The following ABTB2 variants were observed in gnomAD, a reference collection of about 807,000 sequenced individuals.
ABTB2 encodes the protein ankyrin repeat and BTB domain containing 2.
ABTB2 carries 56 observed loss-of-function variants against 104.1 expected under a neutral mutation model. The observed-to-expected ratio is 0.54, with a 90% CI of 0.43 to 0.67. The LOEUF (loss-of-function observed/expected upper bound fraction) is 0.67. ABTB2 is among the 30% of genes least tolerant of loss of function. The pLI is 0.00. For missense variants in ABTB2, 1,279 were observed against 1,407.7 expected (o/e 0.91, Z 1.46); for synonymous variants, 606 against 608.2 (o/e 1.00, Z 0.05).
intron 3 of ABTB2, among the ~76,000 whole-genome samples, chr11:34,187,067 CCT>C (rs1312947558): frequency 6.6e-6 from 1 of 152,176 alleles, no homozygotes; most frequent in African/African-American, 2.4e-5. Context: ...ATGCCTCGGA[CCT>C]CCTCAAGGCC....
At chr11:34,163,883 T>C (rs910704740) in intron 9 of ABTB2, among the ~76,000 whole-genome samples, 1 of 134,218 alleles carries the variant, frequency 7.5e-6, no homozygotes, top group Admixed American at 7.9e-5. Flanking sequence ...GAGGCCTCCA[T>C]GGGGGATGCA....
At chr11:34,273,597 A>G (rs997876506) in intron 1 of ABTB2, among the ~76,000 whole-genome samples, 3 of 152,070 alleles carry the variant, frequency 2.0e-5, no homozygotes, top group African/African-American at 7.3e-5. Flanking sequence ...GCTGAGTAAC[A>G]CTGGCAGACC....
rs763241426 is a variant in ABTB2 at position 34,154,234 on chromosome 11, G to T, written c.2880+31C>A. On this transcript the variant is annotated intron_variant, in intron 16 of 16. Coordinates refer to ENST00000435224, the MANE Select transcript of ABTB2 (RefSeq NM_145804.3). This position sits in a 1 kb window ranked among gnomAD's most constrained non-coding sequence, Gnocchi z 4.9. The stretch of plus-strand genomic sequence containing the variant: ...CCCCGTGGAGCAGAGCATGTGGTGG[G>T]AGGTGGCCAGCAGGCATCCTTGGCC... 7 of 1,546,442 alleles carry T rather than the reference G, an allele frequency of 4.5e-6. No individual in the cohort carries two copies. Among genetic ancestry groups the T allele is most frequent in the Non-Finnish European group, 5.4e-6 (6 of 1,119,856 alleles).
intron 1 of ABTB2, chr11:34,336,131 A>C: frequency 4.0e-6 from 1 of 251,262 alleles, no homozygotes; most frequent in Non-Finnish European, 7.7e-6. Context: ...ATTTCTCTAC[A>C]TTGTATTGTG....
At chr11:34,287,274 A>G (rs1281728189) in intron 1 of ABTB2, among the ~76,000 whole-genome samples, 1 of 152,032 alleles carries the variant, frequency 6.6e-6, no homozygotes, top group Admixed American at 6.5e-5. Context: ...ATACACAGCA[A>G]AAGAAGAGAT....
intron 1 of ABTB2, among the ~76,000 whole-genome samples, chr11:34,221,902 G>C (rs994199987): frequency 7.9e-5 from 12 of 152,164 alleles, no homozygotes. Context: ...AGCTGGACAT[G>C]GTGGTGCATG....
chr11:34,329,378 C>T (rs1028595987), intron 1 of ABTB2, among the ~76,000 whole-genome samples: 7 of 152,194 alleles, frequency 4.6e-5, no homozygotes, highest in African/African-American at 1.7e-4. Flanking sequence ...TCCCACTCCA[C>T]CCCCCTGCCC....
chr11:34,314,712 T>C (rs1854903316), intron 1 of ABTB2, among the ~76,000 whole-genome samples: 1 of 152,160 alleles, frequency 6.6e-6, no homozygotes, highest in Admixed American at 6.5e-5. Context: ...TGGATCCTCT[T>C]AGAAGGACTG....
chr11:34,198,292 G>T (rs1853288517), intron 2 of ABTB2, among the ~76,000 whole-genome samples: 1 of 152,128 alleles, frequency 6.6e-6, no homozygotes, highest in African/African-American at 2.4e-5. Flanking sequence ...AGGGATAGTG[G>T]CAGGCGCCTG....
At chr11:34,289,095 G>A (rs892863238) in intron 1 of ABTB2, among the ~76,000 whole-genome samples, 1 of 152,224 alleles carries the variant, frequency 6.6e-6, no homozygotes, top group Non-Finnish European at 1.5e-5. Flanking sequence ...GAACAGTTAA[G>A]TTCTGACAGG....
intron 1 of ABTB2, among the ~76,000 whole-genome samples, chr11:34,317,460 G>C (rs1423244049): frequency 6.6e-6 from 1 of 152,122 alleles, no homozygotes; most frequent in Non-Finnish European, 1.5e-5. Context: ...AAAACAGTAA[G>C]AGAAACACTT....
In ABTB2 at chr11:34,221,551, T is replaced by C. The variant is rs189554085; in HGVS notation, c.884-16861A>G. 6.2e-3 allele frequency among the ~76,000 whole-genome samples: 943 copies of C among 152,150 alleles called. 12 individuals are homozygous for C. Among genetic ancestry groups the C allele is most frequent in the African/African-American group, 0.021 (869 of 41,418 alleles). Reference sequence around the variant, plus strand: ...ACTGTCCAGCCTGGCTGGCTGTGCCTGTGTCCCTTAGACTACTGAGAACAG... The same window carrying C: ...ACTGTCCAGCCTGGCTGGCTGTGCCCGTGTCCCTTAGACTACTGAGAACAG... On this transcript the variant is annotated intron_variant, in intron 1 of 16. Transcript: ENST00000435224.
At chr11:34,313,358 T>C (rs6484704) in intron 1 of ABTB2, among the ~76,000 whole-genome samples, 28,542 of 152,108 alleles carry the variant, frequency 0.19, 2,957 homozygotes, top group Admixed American at 0.26. Flanking sequence ...CTGGGTAGGA[T>C]GTGGTCTGAC....
chr11:34,174,937 C>T (rs2467383), intron 3 of ABTB2, among the ~76,000 whole-genome samples: 67,244 of 152,134 alleles, frequency 0.44, 15,970 homozygotes, highest in Non-Finnish European at 0.54. Context: ...AGCCAGGGAG[C>T]GGGCAGGCAG....
At position 34,325,950 on chromosome 11, in the gene ABTB2, AAAAATAAAATAAAATAAAAT is replaced by A. The variant is rs60780111; in HGVS notation, c.883+30731_883+30750del. ...TGGGCGACAGAGTGAGACAGTCTCA[AAAAATAAAATAAAATAAAAT>A]AAAATAAAATAAAATAAAATAAAAT... On this transcript the variant is annotated intron_variant, in intron 1 of 16. Transcript: ENST00000435224. Among the ~76,000 whole-genome samples the A allele has an allele frequency of 7.6e-3, 892 of 117,948 alleles. 6 individuals are homozygous for A. The highest frequency in any genetic ancestry group is 0.012 in the African/African-American group (364 of 29,456). The allele number at this position is 117,948 out of a possible 152,430, so 77.4% of individuals were successfully genotyped here.
At chr11:34,344,794 G>T (rs1277875037) in intron 1 of ABTB2, among the ~76,000 whole-genome samples, 4 of 152,126 alleles carry the variant, frequency 2.6e-5, no homozygotes, top group African/African-American at 9.7e-5. Flanking sequence ...CACTGTGCCC[G>T]GCCCAACCTA....
intron 1 of ABTB2, among the ~76,000 whole-genome samples, chr11:34,273,355 C>T (rs1854342652): frequency 6.6e-6 from 1 of 152,192 alleles, no homozygotes; most frequent in Non-Finnish European, 1.5e-5. Context: ...TCCAGGCCTG[C>T]TCTTGCAAGG....
intron 10 of ABTB2, among the ~76,000 whole-genome samples, chr11:34,162,317 G>A (rs775379679): frequency 1.3e-5 from 2 of 152,222 alleles, no homozygotes; most frequent in Non-Finnish European, 2.9e-5. Flanking sequence ...CAGGCAGGGT[G>A]GAGGGCCCGA....
intron 1 of ABTB2, among the ~76,000 whole-genome samples, chr11:34,347,821 T>C (rs1455672353): frequency 6.6e-6 from 1 of 152,168 alleles, no homozygotes; most frequent in Non-Finnish European, 1.5e-5. Flanking sequence ...GAGCTTTTAT[T>C]GTCCAAAATA....
Sources: gnomAD v4.1 joint callset for allele counts (sites outside exome capture counted in the v4.1 genomes callset) on GRCh38, gnomAD v4.1.1 for gene constraint, Gnocchi (gnomAD v3.1) non-coding constraint, MANE v1.5 for transcripts, NCBI Gene and HGNC (gene_info 2026-07-23, HGNC 2026-07-21) for gene names.